TNPO3: variants seen among roughly 807,000 people sequenced by gnomAD.
TNPO3 encodes the protein transportin-3.
A neutral mutation model predicts 122.8 loss-of-function variants in TNPO3; 65 were observed. The ratio of observed to expected loss-of-function variants is 0.53; its 90% CI spans 0.43 to 0.65. The LOEUF is 0.65. Ranked by LOEUF, TNPO3 falls within the 30% of genes least tolerant of loss-of-function variation. The probability of loss-of-function intolerance (pLI) is 0.00; values close to 1 mark genes in which losing one functional copy is unlikely to be tolerated. For missense variants in TNPO3, 850 were observed against 1,136.7 expected (o/e 0.75, Z 3.63); for synonymous variants, 372 against 411.2 (o/e 0.90, Z 1.15).
intron 1 of TNPO3, among the ~76,000 whole-genome samples, chr7:129,036,170 GTCT>G (rs1042182009): frequency 6.6e-6 from 1 of 152,004 alleles, no homozygotes; most frequent in African/African-American, 2.4e-5. Flanking sequence ...GGCCAGGCTG[GTCT>G]TGAACTCCTG....
At chr7:129,033,160 C>T (rs1376781706) in intron 1 of TNPO3, among the ~76,000 whole-genome samples, 2 of 152,068 alleles carry the variant, frequency 1.3e-5, no homozygotes, top group African/African-American at 2.4e-5. Flanking sequence ...TGAAAGTTAA[C>T]TCAAAAAGGA....
At chr7:128,996,876 A>G (rs1020562581) in intron 8 of TNPO3, among the ~76,000 whole-genome samples, 1 of 151,930 alleles carries the variant, frequency 6.6e-6, no homozygotes, top group Admixed American at 6.6e-5. Flanking sequence ...TATAATTCAT[A>G]TAACTCTTGT....
intron 8 of TNPO3, among the ~76,000 whole-genome samples, chr7:128,996,045 C>G (rs1801281478): frequency 6.6e-6 from 1 of 152,148 alleles, no homozygotes; most frequent in Non-Finnish European, 1.5e-5. Flanking sequence ...AGTTTGAAAA[C>G]CACCAGACTA....
At chr7:129,012,351 A>T (rs1803316892) in intron 4 of TNPO3, among the ~76,000 whole-genome samples, 1 of 152,170 alleles carries the variant, frequency 6.6e-6, no homozygotes, top group Non-Finnish European at 1.5e-5. Flanking sequence ...TTTTAATAGA[A>T]TTTTAATTTT....
intron 11 of TNPO3, among the ~76,000 whole-genome samples, chr7:128,988,196 G>A (rs572896096): frequency 7.9e-5 from 12 of 151,446 alleles, no homozygotes; most frequent in African/African-American, 2.4e-4. Flanking sequence ...GGTTGGTCTC[G>A]AACTCTTGAA....
chr7:129,054,941 C>G lies in TNPO3; in HGVS notation c.-171G>C. On this transcript the variant is annotated 5_prime_UTR_variant, in exon 1 of 23. Coordinates refer to ENST00000265388, the MANE Select transcript of TNPO3 (RefSeq NM_012470.4). ...AGAAGGCTCTCCGTGGAAGTTGCCC[C>G]CTCGGAAACAGCTATTAGGTCGTAT... 1 of 795,110 alleles carries G rather than the reference C, an allele frequency of 1.3e-6. No individual in the cohort carries two copies. The highest frequency in any genetic ancestry group is 2.7e-5 in the East Asian group (1 of 36,796). The allele number at this position is 795,110 out of a possible 1,614,324, so 49.3% of individuals were successfully genotyped here. A position where few individuals can be genotyped will look rare whatever the true frequency, so the allele number is the denominator to read the frequency against.
At chr7:129,040,078 A>C (rs1807180157) in intron 1 of TNPO3, among the ~76,000 whole-genome samples, 1 of 152,128 alleles carries the variant, frequency 6.6e-6, no homozygotes, top group African/African-American at 2.4e-5. Flanking sequence ...AACACGGTGA[A>C]ACCCCGTCTC....
intron 4 of TNPO3, among the ~76,000 whole-genome samples, chr7:129,011,732 G>A (rs941922310): frequency 6.6e-6 from 1 of 152,164 alleles, no homozygotes; most frequent in African/African-American, 2.4e-5. Context: ...GAAAAGGTAA[G>A]CAGATGACTG....
At position 128,978,401 on chromosome 7, in the gene TNPO3, A is replaced by G. The variant is rs1336098527; in HGVS notation, c.2061+582T>C. The stretch of plus-strand genomic sequence containing the variant: ...TCTGACTTGCTACATTTTTTCCCCA[A>G]GGATCTCAATATAAAAATGCTTACC... On this transcript the variant is annotated intron_variant, in intron 16 of 22. Transcript: ENST00000265388. Among the ~76,000 whole-genome samples, 3 of 152,202 alleles carry G rather than the reference A, an allele frequency of 2.0e-5. No homozygotes were observed. In the East Asian group the frequency reaches 5.8e-4, roughly 29 times the overall value.
At chr7:128,972,688 T>C (rs1798612056) in intron 18 of TNPO3, 106 bp from the exon 19 acceptor site, 2 of 1,056,366 alleles carry the variant, frequency 1.9e-6, no homozygotes, top group Non-Finnish European at 2.7e-6. Context: ...CAGTGGTTGG[T>C]GGGGGGTTTC....
At chr7:128,994,410 G>A (rs1052585395) in intron 8 of TNPO3, among the ~76,000 whole-genome samples, 1 of 151,938 alleles carries the variant, frequency 6.6e-6, no homozygotes, top group African/African-American at 2.4e-5. Context: ...TGCCCACCTC[G>A]ACCTCCCAAA....
At chr7:129,013,195 A>C (rs1467944366) in intron 4 of TNPO3, among the ~76,000 whole-genome samples, 1 of 152,230 alleles carries the variant, frequency 6.6e-6, no homozygotes, top group Non-Finnish European at 1.5e-5. Context: ...TACTACAAGC[A>C]AACATTAGGG....
chr7:129,012,456 A>C (rs754428111), intron 4 of TNPO3, among the ~76,000 whole-genome samples: 18 of 152,204 alleles, frequency 1.2e-4, no homozygotes, highest in Non-Finnish European at 1.8e-4. Flanking sequence ...CAAAACTCCA[A>C]AATGCTCCAA....
rs954663405 is a variant in TNPO3, at chr7:129,054,961, T to A, written c.-191A>T. On this transcript the variant is annotated 5_prime_UTR_variant, in exon 1 of 23. Coordinates refer to ENST00000265388, the MANE Select transcript of TNPO3 (RefSeq NM_012470.4). ...TGCCCCCTCGGAAACAGCTATTAGG[T>A]CGTATTCAGGTTCCTGGCCTTTTTT... 5.6e-5 allele frequency: 37 copies of A among 661,862 alleles called. No individual in the cohort carries two copies. The African/African-American group carries it at 6.0e-4, about 11-fold the overall frequency. 41.0% of individuals were successfully genotyped at this position (661,862 alleles called of 1,614,324 possible).
intron 1 of TNPO3, among the ~76,000 whole-genome samples, chr7:129,035,856 C>T (rs2150516673): frequency 6.6e-6 from 1 of 152,110 alleles, no homozygotes; most frequent in East Asian, 1.9e-4. Context: ...GAGAAAAGAA[C>T]CAGATAAATC....
intron 1 of TNPO3, chr7:129,030,293 T>C: frequency 3.9e-6 from 1 of 253,676 alleles, no homozygotes; most frequent in Non-Finnish European, 7.9e-6. Flanking sequence ...GGTAATTGGA[T>C]GCTCTTTAAA....
intron 4 of TNPO3, among the ~76,000 whole-genome samples, chr7:129,011,675 G>A (rs933125554): frequency 5.3e-5 from 8 of 152,218 alleles, no homozygotes; most frequent in Non-Finnish European, 1.2e-4. Flanking sequence ...CTGGTGAAAT[G>A]TGAATATGGT....
intron 1 of TNPO3, among the ~76,000 whole-genome samples, chr7:129,045,895 G>A (rs923502075): frequency 6.6e-6 from 1 of 152,106 alleles, no homozygotes; most frequent in African/African-American, 2.4e-5. Context: ...ATGTGGGTAA[G>A]TGCAAATAAG....
intron 4 of TNPO3, among the ~76,000 whole-genome samples, chr7:129,012,048 C>T (rs1314181935): frequency 6.8e-6 from 1 of 147,210 alleles, no homozygotes; most frequent in Non-Finnish European, 1.5e-5. Flanking sequence ...CTCTGTTGCC[C>T]AGACTGGAGT....
Sources: gnomAD v4.1 joint callset for allele counts (sites outside exome capture counted in the v4.1 genomes callset) on GRCh38, gnomAD v4.1.1 for gene constraint, MANE v1.5 for transcripts, NCBI Gene and HGNC (gene_info 2026-07-23, HGNC 2026-07-21) for gene names.